The following SYT1 variants were observed in gnomAD, a reference collection of about 807,000 sequenced individuals.
The protein encoded by SYT1 is synaptotagmin-1.
A neutral mutation model predicts 44.8 loss-of-function variants in SYT1; 8 were observed. The observed-to-expected ratio is 0.18, with a 90% confidence interval of 0.10 to 0.32. The LOEUF (loss-of-function observed/expected upper bound fraction) is 0.32, where lower values mean the gene tolerates loss of function less well. Ranked by LOEUF, SYT1 falls within the 10% of genes least tolerant of loss-of-function variation. The probability of loss-of-function intolerance (pLI) is 1.00; values close to 1 mark genes in which losing one functional copy is unlikely to be tolerated. For missense variants in SYT1, 286 were observed against 509.3 expected (o/e 0.56, Z 4.22); for synonymous variants, 154 against 188.8 (o/e 0.82, Z 1.51).
intron 3 of SYT1, among the ~76,000 whole-genome samples, chr12:79,208,912 C>T (rs1247787643): frequency 6.6e-6 from 1 of 152,098 alleles, no homozygotes; most frequent in Non-Finnish European, 1.5e-5. Flanking sequence ...AAAAAATCTC[C>T]CTACACCTCT....
chr12:79,087,984 T>A (rs1047012397), intron 3 of SYT1, among the ~76,000 whole-genome samples: 6 of 152,086 alleles, frequency 3.9e-5, no homozygotes, highest in African/African-American at 1.4e-4. Context: ...TGACTATTAG[T>A]TGAATGGGAT....
intron 5 of SYT1, 55 bp from the exon 6 acceptor site, chr12:79,291,953 T>C (rs760487735): frequency 6.2e-7 from 1 of 1,609,404 alleles, no homozygotes; most frequent in Non-Finnish European, 8.5e-7. Context: ...CCCAGTTCAA[T>C]TTGAGTTTTG....
intron 2 of SYT1, among the ~76,000 whole-genome samples, chr12:78,994,735 C>T (rs1229382305): frequency 6.6e-6 from 1 of 151,940 alleles, no homozygotes; most frequent in African/African-American, 2.4e-5. Context: ...CGGGGTTTCA[C>T]CTTCTTGGCC....
chr12:79,412,524 T>G (rs1038026062), intron 9 of SYT1, among the ~76,000 whole-genome samples: 1 of 152,146 alleles, frequency 6.6e-6, no homozygotes, highest in Non-Finnish European at 1.5e-5. Context: ...AATAATTGCC[T>G]GACCATCATC....
intron 9 of SYT1, among the ~76,000 whole-genome samples, chr12:79,370,301 G>T (rs902333828): frequency 6.6e-6 from 1 of 152,112 alleles, no homozygotes; most frequent in African/African-American, 2.4e-5. Context: ...GCAAAATACA[G>T]AATTCAAAGA....
At chr12:79,383,240 C>G (rs1884299109) in intron 9 of SYT1, among the ~76,000 whole-genome samples, 1 of 152,124 alleles carries the variant, frequency 6.6e-6, no homozygotes, top group African/African-American at 2.4e-5. Flanking sequence ...TCCAAGGCTA[C>G]AAACCTTTAG....
At chr12:78,925,696 C>A (rs1052476371) in intron 1 of SYT1, among the ~76,000 whole-genome samples, 1 of 151,826 alleles carries the variant, frequency 6.6e-6, no homozygotes, top group Admixed American at 6.6e-5. Context: ...CATTACCTGG[C>A]ACATATTTAG....
chr12:79,437,792 T>C (rs1204774367), intron 9 of SYT1, among the ~76,000 whole-genome samples: 1 of 152,162 alleles, frequency 6.6e-6, no homozygotes, highest in African/African-American at 2.4e-5. Context: ...GTAGCAATAA[T>C]ATTGGAAGCA....
intron 3 of SYT1, among the ~76,000 whole-genome samples, chr12:79,090,883 T>A (rs1452010401): frequency 6.6e-6 from 1 of 151,978 alleles, no homozygotes; most frequent in Non-Finnish European, 1.5e-5. Context: ...GAGTAGATGG[T>A]AACCTGTGGT....
At chr12:79,230,025 C>T (rs7967290) in intron 4 of SYT1, among the ~76,000 whole-genome samples, 1,656 of 152,284 alleles carry the variant, frequency 0.011, 29 homozygotes, top group African/African-American at 0.036. Context: ...GGACCCTACA[C>T]ATCCTGTAAA....
chr12:78,888,483 A>G (rs1036714379), intron 1 of SYT1, among the ~76,000 whole-genome samples: 2 of 151,976 alleles, frequency 1.3e-5, no homozygotes, highest in African/African-American at 4.8e-5. Flanking sequence ...ATCATCACCT[A>G]AATGTTCCTT....
chr12:79,055,194 A>G (rs572953715), intron 3 of SYT1, among the ~76,000 whole-genome samples: 2 of 152,090 alleles, frequency 1.3e-5, no homozygotes, highest in East Asian at 3.9e-4. Context: ...TGTTGATTGT[A>G]GTTACTGTAT....
At chr12:78,999,149 A>G (rs1870564977) in intron 2 of SYT1, among the ~76,000 whole-genome samples, 1 of 152,160 alleles carries the variant, frequency 6.6e-6, no homozygotes, top group African/African-American at 2.4e-5. Context: ...TCAGCAAGTA[A>G]TTTTTGGAAA....
intron 1 of SYT1, among the ~76,000 whole-genome samples, chr12:78,885,334 AGGAAGAAAGGAAGGAAGGAAC>A (rs1874681036): frequency 1.4e-5 from 2 of 143,810 alleles, no homozygotes; most frequent in Admixed American, 1.4e-4. Context: ...GAAGGAGGGA[AGGAAGAAAGGAAGGAAGGAAC>A]GAAGGAAGGA....
At chr12:78,983,279 A>T (rs1285352079) in intron 2 of SYT1, among the ~76,000 whole-genome samples, 1 of 152,098 alleles carries the variant, frequency 6.6e-6, no homozygotes, top group Non-Finnish European at 1.5e-5. Flanking sequence ...GAGAAATTTG[A>T]TCCGTATAGC....
At position 79,146,871 on chromosome 12, in the gene SYT1, C is replaced by T. The variant is rs569975742; in HGVS notation, c.-17-70632C>T. On this transcript the variant is annotated intron_variant, in intron 3 of 10. Transcript: ENST00000261205. ...ACTACTTTTTTTTGAGATGGAGTCT[C>T]ACTCTGTCGCCCAGGCTAGAGCACA... 3.9e-5 allele frequency among the ~76,000 whole-genome samples: 6 copies of T among 152,034 alleles called. No individual in the cohort carries two copies. The South Asian group carries it at 1.2e-3, about 32-fold the overall frequency.
At chr12:78,920,296 A>G (rs182764946) in intron 1 of SYT1, among the ~76,000 whole-genome samples, 39 of 152,122 alleles carry the variant, frequency 2.6e-4, no homozygotes, top group Non-Finnish European at 4.9e-4. Context: ...GTTTTACAAG[A>G]TAAGAAATAA....
In SYT1 at chr12:79,321,523, C is replaced by T. The variant is rs115965256; in HGVS notation, c.810+21972C>T. ...CAGGCAGTTTGAATTCTAGTTCTTC[C>T]TCTTTTAGTATGTTAAAGGGAAGGA... On this transcript the variant is annotated intron_variant, in intron 8 of 10. Coordinates refer to ENST00000261205, the MANE Select transcript of SYT1 (RefSeq NM_005639.3). Among the ~76,000 whole-genome samples the T allele has an allele frequency of 7.7e-3, 1,166 of 152,228 alleles. 17 individuals carry two copies. Among genetic ancestry groups the T allele is most frequent in the African/African-American group, 0.027 (1,109 of 41,526 alleles).
chr12:78,915,158 G>A (rs115957115), intron 1 of SYT1, among the ~76,000 whole-genome samples: 1,703 of 152,142 alleles, frequency 0.011, 40 homozygotes, highest in African/African-American at 0.039. Flanking sequence ...GGACTGGAAG[G>A]CAGGGAATGA....
Sources: gnomAD v4.1 joint callset for allele counts (sites outside exome capture counted in the v4.1 genomes callset) on GRCh38, gnomAD v4.1.1 for gene constraint, MANE v1.5 for transcripts, NCBI Gene and HGNC (gene_info 2026-07-23, HGNC 2026-07-21) for gene names.